Variants in ANO3 observed in about 807,000 individuals in gnomAD.
The protein encoded by ANO3 is anoctamin 3.
Under a neutral mutation model 144.8 loss-of-function variants are expected in ANO3, and 99 were observed. That is an observed-to-expected ratio of 0.68 (90% CI 0.58 to 0.81). ANO3 has a LOEUF of 0.81. Ranked by LOEUF, ANO3 falls within the 30% of genes least tolerant of loss-of-function variation. The probability of loss-of-function intolerance (pLI) is 0.00; values close to 1 mark genes in which losing one functional copy is unlikely to be tolerated. For missense variants in ANO3, 905 were observed against 1,202.2 expected (o/e 0.75, Z 3.66); for synonymous variants, 414 against 392.6 (o/e 1.05, Z -0.64).
At chr11:26,332,620 C>T (rs1373226034) in intron 1 of ANO3, among the ~76,000 whole-genome samples, 3 of 151,818 alleles carry the variant, frequency 2.0e-5, no homozygotes, top group Non-Finnish European at 2.9e-5. Context: ...TAGGGATTGT[C>T]CGAATAGCTC....
At chr11:26,337,398 G>T (rs1855221927) in intron 1 of ANO3, among the ~76,000 whole-genome samples, 1 of 152,180 alleles carries the variant, frequency 6.6e-6, no homozygotes, top group African/African-American at 2.4e-5. Context: ...ATTTTAAAAT[G>T]TGAGTGTTTC....
intron 1 of ANO3, among the ~76,000 whole-genome samples, chr11:26,198,607 A>G (rs759342327): frequency 2.0e-5 from 3 of 152,236 alleles, no homozygotes; most frequent in Non-Finnish European, 4.4e-5. Flanking sequence ...GCATGTTATC[A>G]CAAAGCATTC....
At chr11:26,349,839 C>T (rs1351053100) in intron 1 of ANO3, among the ~76,000 whole-genome samples, 5 of 152,116 alleles carry the variant, frequency 3.3e-5, no homozygotes, top group Non-Finnish European at 7.3e-5. Context: ...TGAGCTACCA[C>T]GCCCGGCCGA....
intron 1 of ANO3, among the ~76,000 whole-genome samples, chr11:26,406,023 T>A (rs569600190): frequency 6.6e-6 from 1 of 152,024 alleles, no homozygotes; most frequent in Non-Finnish European, 1.5e-5. Flanking sequence ...CTGAGAATGC[T>A]TTTAGGCACC....
rs1045034333 is a variant in ANO3 at position 26,325,644 on chromosome 11, A to G, written c.-3+15925A>G. Among the ~76,000 whole-genome samples the G allele has an allele frequency of 9.8e-5, 15 of 152,324 alleles. No homozygotes were observed. The East Asian group carries it at 2.7e-3, about 27-fold the overall frequency. On this transcript the variant is annotated intron_variant, in intron 1 of 26. Transcript: ENST00000525139. Reference sequence around the variant, plus strand: ...TTGTCAAGCTATTTGTCCCTTCATTATATCACAATGTTTGATTTCAAATCC... The same window carrying G: ...TTGTCAAGCTATTTGTCCCTTCATTGTATCACAATGTTTGATTTCAAATCC...
chr11:26,579,664 A>G (rs1394432752), intron 14 of ANO3, among the ~76,000 whole-genome samples: 1 of 152,210 alleles, frequency 6.6e-6, no homozygotes. Flanking sequence ...AGGATTTTCT[A>G]TTTATCTGCC....
At chr11:26,502,160 A>G (rs11029589) in intron 4 of ANO3, among the ~76,000 whole-genome samples, 90,999 of 152,002 alleles carry the variant, frequency 0.6, 27,930 homozygotes, top group East Asian at 0.68. Flanking sequence ...AGAAAGTAAA[A>G]GGGTTAATTT....
chr11:26,240,070 C>A (rs1044046510), intron 1 of ANO3, among the ~76,000 whole-genome samples: 5 of 152,240 alleles, frequency 3.3e-5, no homozygotes, highest in Non-Finnish European at 4.4e-5. Flanking sequence ...CTTATTGGGG[C>A]AAATTACTTA....
chr11:26,618,310 T>C (rs562764306), intron 17 of ANO3, among the ~76,000 whole-genome samples: 1 of 152,288 alleles, frequency 6.6e-6, no homozygotes, highest in South Asian at 2.1e-4. Flanking sequence ...TTCTTTTATC[T>C]CCTTCACAGT....
chr11:26,327,833 G>A (rs930964367), upstream of ANO3, among the ~76,000 whole-genome samples: 2 of 152,154 alleles, frequency 1.3e-5, no homozygotes, highest in African/African-American at 4.8e-5. Context: ...TATGGGACAA[G>A]GTAGCTGATG....
At chr11:26,395,117 A>C (rs1382810901) in intron 1 of ANO3, among the ~76,000 whole-genome samples, 6 of 152,038 alleles carry the variant, frequency 3.9e-5, no homozygotes, top group Non-Finnish European at 8.8e-5. Context: ...TAAACAGAGG[A>C]GATTCCATTG....
chr11:26,626,735 T>A lies in ANO3; in HGVS notation c.1873+2237T>A, dbSNP rs1337598682. 2.6e-5 allele frequency among the ~76,000 whole-genome samples: 4 copies of A among 152,286 alleles called. No homozygotes were observed. The East Asian group carries it at 7.7e-4, about 29-fold the overall frequency. On this transcript the variant is annotated intron_variant, in intron 18 of 26. Coordinates refer to ENST00000256737, the MANE Select transcript of ANO3 (RefSeq NM_031418.4). ...TTCAATAATTTACTCCTTTAAAAAA[T>A]CTTTCTGGAACTCTTTACATTCGGA...
intron 4 of ANO3, among the ~76,000 whole-genome samples, chr11:26,504,974 T>C (rs1193010811): frequency 8.4e-6 from 1 of 118,448 alleles, no homozygotes; most frequent in African/African-American, 3.3e-5. Flanking sequence ...ATCACGCCAC[T>C]GCACTCCAGC....
rs1554928313 is a variant in ANO3 at position 26,245,018 on chromosome 11, T to TGCGCGCGC, written c.154+55689_154+55690insCGCGCGCG. Among the ~76,000 whole-genome samples, 57 of 145,426 alleles carry TGCGCGCGC rather than the reference T, an allele frequency of 3.9e-4. No homozygotes were observed. The South Asian group carries it at 6.5e-3, about 17-fold the overall frequency. ...GTGTGTGTGTGTGTGTGTGTGTGTG[T>TGCGCGCGC]GTGCATGCATGCATTTGTCTTTCAT... On this transcript the variant is annotated intron_variant, in intron 1 of 27. Transcript: ENST00000672621.
At chr11:26,635,721 T>C (rs1852936295) in intron 20 of ANO3, among the ~76,000 whole-genome samples, 1 of 152,188 alleles carries the variant, frequency 6.6e-6, no homozygotes, top group East Asian at 1.9e-4. Context: ...TGGATAATAT[T>C]TTTCATATTT....
At position 26,343,650 on chromosome 11, in the gene ANO3, A is replaced by G. The variant is rs74320300; in HGVS notation, c.46+11329A>G. Among the ~76,000 whole-genome samples the G allele has an allele frequency of 1.4e-4, 22 of 152,338 alleles. 1 individual carries two copies. In the East Asian group the frequency reaches 3.7e-3, roughly 25 times the overall value. ...AACATATCAACATAAGATGGTGTCA[A>G]ACTTATAATAGGAGATAGATTGTAG... On this transcript the variant is annotated intron_variant, in intron 1 of 26. Transcript: ENST00000256737.
intron 1 of ANO3, among the ~76,000 whole-genome samples, chr11:26,262,454 A>G (rs1296795818): frequency 6.6e-6 from 1 of 152,074 alleles, no homozygotes; most frequent in Non-Finnish European, 1.5e-5. Flanking sequence ...TTGATGTTAT[A>G]TGTTCAGCTT....
intron 1 of ANO3, among the ~76,000 whole-genome samples, chr11:26,401,811 A>G (rs1445650470): frequency 2.0e-5 from 3 of 152,048 alleles, no homozygotes; most frequent in Admixed American, 6.6e-5. Context: ...CAGGAGACGG[A>G]GCTTTCATTG....
chr11:26,313,871 T>TAATATAATATAA (rs538408484), intron 1 of ANO3, among the ~76,000 whole-genome samples: 150 of 147,518 alleles, frequency 1.0e-3, no homozygotes, highest in African/African-American at 3.6e-3. Flanking sequence ...AAATTAAATA[T>TAATATAATATAA]TATAATATAA....
Sources: allele counts gnomAD v4.1 joint callset (sites outside exome capture counted in the v4.1 genomes callset), GRCh38; gene constraint gnomAD v4.1.1; transcripts MANE v1.5; gene names NCBI Gene and HGNC (gene_info 2026-07-23, HGNC 2026-07-21).